NEBL: variants seen among roughly 807,000 people sequenced by gnomAD.
NEBL encodes LIM and SH3 protein 2.
NEBL carries 122 observed loss-of-function variants against 140.2 expected under a neutral mutation model. The ratio of observed to expected loss-of-function variants is 0.87; its 90% CI spans 0.75 to 1.01. NEBL has a LOEUF of 1.01. NEBL is among the 50% of genes least tolerant of loss of function. The probability of loss-of-function intolerance (pLI) is 0.00; values close to 1 mark genes in which losing one functional copy is unlikely to be tolerated. For missense variants in NEBL, 1,365 were observed against 1,231.3 expected, an observed-to-expected ratio of 1.11 and a Z score of -1.62; for synonymous variants, 436 against 398.9, an observed-to-expected ratio of 1.09 and a Z score of -1.11.
At chr10:21,157,351 C>T (rs1053892679) in intron 2 of NEBL, among the ~76,000 whole-genome samples, 2 of 152,054 alleles carry the variant, frequency 1.3e-5, no homozygotes, top group African/African-American at 4.8e-5. Flanking sequence ...GGGTGGATCA[C>T]GTGAGATCAG....
At chr10:21,256,612 C>G (rs1842662808) in intron 1 of NEBL, among the ~76,000 whole-genome samples, 1 of 152,158 alleles carries the variant, frequency 6.6e-6, no homozygotes, top group Non-Finnish European at 1.5e-5. Context: ...GGGAGGATAA[C>G]TTGAGGCCAG....
At chr10:21,052,703 G>T (rs1017878451) in intron 2 of NEBL, among the ~76,000 whole-genome samples, 7 of 152,208 alleles carry the variant, frequency 4.6e-5, no homozygotes, top group Admixed American at 2.6e-4. Flanking sequence ...CTCAGGAAGA[G>T]CAGTGCCGCT....
intron 2 of NEBL, among the ~76,000 whole-genome samples, chr10:21,250,214 G>A (rs905504727): frequency 6.6e-6 from 1 of 152,190 alleles, no homozygotes; most frequent in African/African-American, 2.4e-5. Context: ...CATGAGCTGA[G>A]AAAGGCAGAT....
At chr10:20,885,798 C>A (rs1003630928) in intron 4 of NEBL, among the ~76,000 whole-genome samples, 1 of 151,974 alleles carries the variant, frequency 6.6e-6, no homozygotes, top group Non-Finnish European at 1.5e-5. Flanking sequence ...TTAAAGTGAC[C>A]CACATTATCA....
intron 3 of NEBL, among the ~76,000 whole-genome samples, chr10:21,011,136 A>G (rs1838322546): frequency 6.6e-6 from 1 of 152,192 alleles, no homozygotes; most frequent in African/African-American, 2.4e-5. Flanking sequence ...AACTGGAAGG[A>G]ATTTTACTAC....
intron 3 of NEBL, among the ~76,000 whole-genome samples, chr10:21,198,313 G>A (rs571364247): frequency 6.6e-6 from 1 of 152,210 alleles, no homozygotes; most frequent in African/African-American, 2.4e-5. Context: ...ATATCTTTAG[G>A]ATGTATTAGG....
chr10:21,245,641 C>G (rs559991466), intron 3 of NEBL, among the ~76,000 whole-genome samples: 193 of 152,258 alleles, frequency 1.3e-3, no homozygotes, highest in African/African-American at 4.3e-3. Context: ...AAGTGATTCT[C>G]CTGCCTCAGC....
chr10:20,913,452 A>G (rs764904775), intron 4 of NEBL, among the ~76,000 whole-genome samples: 3 of 152,226 alleles, frequency 2.0e-5, no homozygotes, highest in Non-Finnish European at 4.4e-5. Flanking sequence ...GTACTTATTA[A>G]GAGATCGTTA....
At chr10:21,097,196 T>C (rs1182308415) in intron 2 of NEBL, among the ~76,000 whole-genome samples, 1 of 115,732 alleles carries the variant, frequency 8.6e-6, no homozygotes, top group Non-Finnish European at 1.7e-5. Flanking sequence ...CTCACGCCTG[T>C]AATCCCAGCA....
At chr10:21,046,707 T>C (rs1230736030) in intron 2 of NEBL, among the ~76,000 whole-genome samples, 1 of 152,126 alleles carries the variant, frequency 6.6e-6, no homozygotes, top group Non-Finnish European at 1.5e-5. Flanking sequence ...TTCACGCCAT[T>C]CTCCTGCCTC....
chr10:21,166,258 A>C (rs1411306449), intron 2 of NEBL, among the ~76,000 whole-genome samples: 2 of 101,448 alleles, frequency 2.0e-5, no homozygotes, highest in Non-Finnish European at 3.8e-5. Context: ...AAAGAAAAAA[A>C]AATTTTCTAC....
At position 20,850,492 on chromosome 10, in the gene NEBL, T is replaced by A; in HGVS notation, c.1019A>T (p.Lys340Ile). The change falls in exon 11 of 28, where the codon AAA becomes ATA. Residue 340 changes from lysine (K) to isoleucine (I), a missense_variant. Coordinates refer to ENST00000377122, the MANE Select transcript of NEBL (RefSeq NM_006393.3). ...TCCCTTATTTTTCTCATATTCTTCT[T>A]TATATTTCACCTTCATTGGAAAAAG... ...NAVLQSQVKY[K>I]EEYEKNKGKP... is the part of the protein sequence containing the mutation. The A allele has an allele frequency of 6.3e-7, 1 of 1,594,112 alleles. No individual in the cohort carries two copies. The highest frequency in any genetic ancestry group is 8.6e-7 in the Non-Finnish European group (1 of 1,162,122).
intron 1 of NEBL, among the ~76,000 whole-genome samples, chr10:21,276,951 A>T (rs1275865754): frequency 6.6e-6 from 1 of 151,512 alleles, no homozygotes; most frequent in East Asian, 1.9e-4. Context: ...CCTGGGTGAT[A>T]GAGTGAGACT....
Position 21,111,500 on chromosome 10 carries a change from C to A in NEBL, c.164+60883G>T, listed in dbSNP as rs148821465. ...AAACAAGCAATGGGGAAAGGATGCCCTATTTAATAAATGCTGCTGGGAAAA... is the reference window on the plus strand; with the variant it reads ...AAACAAGCAATGGGGAAAGGATGCCATATTTAATAAATGCTGCTGGGAAAA... On this transcript the variant is annotated intron_variant, in intron 2 of 6. Coordinates refer to the NEBL transcript ENST00000417816. 7.3e-3 allele frequency among the ~76,000 whole-genome samples: 1,107 copies of A among 151,864 alleles called. 15 individuals are homozygous for A. The highest frequency in any genetic ancestry group is 0.025 in the African/African-American group (1,022 of 41,270).
rs538248933 is a variant in NEBL, at chr10:21,221,198, A to C, written n.348+26723T>G. Among the ~76,000 whole-genome samples, 7 of 152,316 alleles carry C rather than the reference A, an allele frequency of 4.6e-5. No individual in the cohort carries two copies. The East Asian group carries it at 1.3e-3, about 29-fold the overall frequency. On this transcript the variant is annotated intron_variant and non_coding_transcript_variant, in intron 3 of 8. Coordinates refer to the NEBL transcript ENST00000675702. ...AACTACATGAAGTGATGGATAGGTT[A>C]ATTAGCTTGACTCATGCATTTCACA...
chr10:20,913,226 G>A (rs115404852), intron 4 of NEBL, among the ~76,000 whole-genome samples: 1,984 of 152,234 alleles, frequency 0.013, 44 homozygotes, highest in African/African-American at 0.046. Context: ...GACAGCCACA[G>A]GCAATTCCTA....
chr10:21,257,865 G>A (rs1422294471), intron 1 of NEBL, among the ~76,000 whole-genome samples: 1 of 151,108 alleles, frequency 6.6e-6, no homozygotes, highest in Non-Finnish European at 1.5e-5. Flanking sequence ...AGCCTGGGTG[G>A]CAGAGCGAGA....
At chr10:21,120,254 A>C (rs1838473370) in intron 2 of NEBL, among the ~76,000 whole-genome samples, 1 of 150,996 alleles carries the variant, frequency 6.6e-6, no homozygotes, top group African/African-American at 2.4e-5. Context: ...ATGTGCCTAT[A>C]TCCCCAGCTA....
intron 4 of NEBL, among the ~76,000 whole-genome samples, chr10:20,949,130 C>CTT (rs1835320021): frequency 6.6e-6 from 1 of 152,128 alleles, no homozygotes; most frequent in East Asian, 1.9e-4. Flanking sequence ...TTTGAATACC[C>CTT]TTTATTTCTT....
Sources: allele counts gnomAD v4.1 joint callset (sites outside exome capture counted in the v4.1 genomes callset), GRCh38; gene constraint gnomAD v4.1.1; transcripts MANE v1.5; gene names NCBI Gene and HGNC (gene_info 2026-07-23, HGNC 2026-07-21).